Variants in ISM1 observed in about 807,000 individuals in gnomAD.
ISM1 encodes the protein isthmin 1.
A neutral mutation model predicts 46.3 loss-of-function variants in ISM1; 25 were observed. The ratio of observed to expected loss-of-function variants is 0.54; its 90% CI spans 0.39 to 0.75. ISM1 has a LOEUF of 0.75. Among genes scored for constraint, ISM1 ranks in the 30% least tolerant of loss-of-function variants. The pLI, the probability that ISM1 is intolerant of heterozygous loss-of-function variation, is 0.00. For synonymous variants in ISM1, 255 were observed against 256.7 expected (o/e 0.99, Z 0.06); for missense variants, 536 against 625.4 (o/e 0.86, Z 1.52).
At chr20:13,309,006 G>A in the ISM1 span, among the ~76,000 whole-genome samples, 1 of 152,274 alleles carries the variant, frequency 6.6e-6, no homozygotes, top group South Asian at 2.1e-4. Context: ...CCAGAAATGT[G>A]AGAAATACAT....
the ISM1 span, among the ~76,000 whole-genome samples, chr20:13,309,371 A>AT: frequency 6.6e-6 from 1 of 152,212 alleles, no homozygotes; most frequent in African/African-American, 2.4e-5. Flanking sequence ...AAAATTGAAT[A>AT]TTATTTCATA....
At chr20:13,261,195 C>T (rs1212225783) in intron 1 of ISM1, among the ~76,000 whole-genome samples, 2 of 152,112 alleles carry the variant, frequency 1.3e-5, no homozygotes, top group African/African-American at 2.4e-5. Flanking sequence ...GGGTGGATCA[C>T]CTGAGGTCAG....
the ISM1 span, among the ~76,000 whole-genome samples, chr20:13,315,441 G>A: frequency 6.6e-6 from 1 of 152,000 alleles, no homozygotes; most frequent in Non-Finnish European, 1.5e-5. Context: ...GGGATAAAAC[G>A]AGTTGTTACG....
intron 2 of ISM1, among the ~76,000 whole-genome samples, chr20:13,276,549 C>T (rs1307265263): frequency 1.3e-5 from 2 of 152,174 alleles, no homozygotes; most frequent in Non-Finnish European, 2.9e-5. Flanking sequence ...AAAGAGTTCC[C>T]TTTCTTTTAT....
chr20:13,289,293 C>A (rs1231500841), intron 4 of ISM1, among the ~76,000 whole-genome samples: 1 of 152,172 alleles, frequency 6.6e-6, no homozygotes, highest in East Asian at 1.9e-4. Flanking sequence ...GGCAGACACT[C>A]ATGGTCTGAT....
chr20:13,261,062 C>G (rs1164190405), intron 1 of ISM1, among the ~76,000 whole-genome samples: 1 of 152,188 alleles, frequency 6.6e-6, no homozygotes. Flanking sequence ...ATAGGCAATC[C>G]TAAGGCACAA....
At chr20:13,276,938 G>A (rs1284880795) in intron 2 of ISM1, among the ~76,000 whole-genome samples, 1 of 152,170 alleles carries the variant, frequency 6.6e-6, no homozygotes, top group African/African-American at 2.4e-5. Flanking sequence ...AGGGAAGGGT[G>A]CGGTGGATCC....
chr20:13,325,906 C>T, the ISM1 span, among the ~76,000 whole-genome samples: 2 of 152,166 alleles, frequency 1.3e-5, no homozygotes, highest in Admixed American at 6.6e-5. Flanking sequence ...CCAATACACA[C>T]GTCGACCATC....
chr20:13,291,236 G>A (rs778913624), intron 4 of ISM1, among the ~76,000 whole-genome samples: 3 of 152,126 alleles, frequency 2.0e-5, no homozygotes, highest in Non-Finnish European at 2.9e-5. Context: ...CACCCTCCTT[G>A]CATCCTTTCT....
intron 5 of ISM1, among the ~76,000 whole-genome samples, chr20:13,296,497 A>T (rs2040408478): frequency 6.6e-6 from 1 of 152,234 alleles, no homozygotes; most frequent in Non-Finnish European, 1.5e-5. Context: ...AAGATCTGCA[A>T]GCATCTCAAG....
At chr20:13,282,943 T>G (rs915283041) in intron 3 of ISM1, among the ~76,000 whole-genome samples, 6 of 152,248 alleles carry the variant, frequency 3.9e-5, no homozygotes, top group African/African-American at 1.4e-4. Context: ...GAGTGATCAT[T>G]GCTTCCCAGG....
chr20:13,316,388 C>T, the ISM1 span, among the ~76,000 whole-genome samples: 2 of 151,878 alleles, frequency 1.3e-5, no homozygotes, highest in Admixed American at 6.6e-5. Flanking sequence ...TTTCAATTCT[C>T]TACAATATCT....
chr20:13,323,101 T>C, the ISM1 span, among the ~76,000 whole-genome samples: 2 of 151,250 alleles, frequency 1.3e-5, no homozygotes, highest in Non-Finnish European at 2.9e-5. Context: ...GGAGGAAAAA[T>C]AGGAACTAAG....
intron 4 of ISM1, among the ~76,000 whole-genome samples, chr20:13,291,506 G>T (rs2040352632): frequency 6.6e-6 from 1 of 152,152 alleles, no homozygotes; most frequent in Admixed American, 6.5e-5. Context: ...GAAACCAGCA[G>T]GGAAGGCCAA....
chr20:13,246,760 G>T (rs1392806761), intron 1 of ISM1, among the ~76,000 whole-genome samples: 1 of 152,168 alleles, frequency 6.6e-6, no homozygotes, highest in Non-Finnish European at 1.5e-5. Context: ...ACTGATTTGG[G>T]ATTCTCCATT....
In ISM1 at chr20:13,276,188, A is replaced by G. The variant is rs2040177381; in HGVS notation, c.379-3446A>G. On this transcript the variant is annotated intron_variant, in intron 2 of 5. Coordinates refer to ENST00000262487, the MANE Select transcript of ISM1 (RefSeq NM_080826.2). ...GAGGAAATCCTTTTCCTCTCTGGAA[A>G]ATACCTGCCCACTCCCACCAGTTTC... is the stretch of plus-strand genomic sequence containing the variant. Among the ~76,000 whole-genome samples the G allele has an allele frequency of 2.6e-5, 4 of 152,158 alleles. No individual in the cohort carries two copies. The South Asian group carries it at 8.3e-4, about 32-fold the overall frequency.
intron 1 of ISM1, among the ~76,000 whole-genome samples, chr20:13,249,796 T>A (rs2039845715): frequency 9.0e-6 from 1 of 111,456 alleles, no homozygotes; most frequent in African/African-American, 3.9e-5. Context: ...TTTTGTTTTG[T>A]TTTGTTTTGT....
At chr20:13,255,043 A>G (rs1156914171) in intron 1 of ISM1, among the ~76,000 whole-genome samples, 2 of 152,248 alleles carry the variant, frequency 1.3e-5, no homozygotes, top group African/African-American at 4.8e-5. Flanking sequence ...GGTAGGGGCC[A>G]CAACACAGAA....
chr20:13,321,714 A>G, the ISM1 span, among the ~76,000 whole-genome samples: 1 of 152,210 alleles, frequency 6.6e-6, no homozygotes, highest in African/African-American at 2.4e-5. Flanking sequence ...ACTCCCTCCC[A>G]TATAAATACA....
Sources: gnomAD v4.1 joint callset for allele counts (sites outside exome capture counted in the v4.1 genomes callset) on GRCh38, gnomAD v4.1.1 for gene constraint, MANE v1.5 for transcripts, NCBI Gene and HGNC (gene_info 2026-07-23, HGNC 2026-07-21) for gene names.